The following CEP350 variants were observed in gnomAD, a reference collection of about 807,000 sequenced individuals.
CEP350 encodes centrosomal protein 350.
CEP350 carries 126 observed loss-of-function variants against 331.8 expected under a neutral mutation model. That is an observed-to-expected ratio of 0.38 (90% CI 0.33 to 0.44). The LOEUF is 0.44. Among genes scored for constraint, CEP350 ranks in the 20% least tolerant of loss-of-function variants. CEP350 has a pLI of 1.00. For synonymous variants in CEP350, 1,200 were observed against 1,259.5 expected, an observed-to-expected ratio of 0.95 and a Z score of 1.00; for missense variants, 3,406 against 3,634.6, an observed-to-expected ratio of 0.94 and a Z score of 1.62.
At chr1:180,041,581 A>T in intron 18 of CEP350, 81 bp from the exon 19 acceptor site, 1 of 1,336,544 alleles carries the variant, frequency 7.5e-7, no homozygotes, top group Non-Finnish European at 1.0e-6. Context: ...TAAGACATGA[A>T]ATAAATTTAT....
chr1:180,095,480 G>A (rs1558157315), intron 34 of CEP350, 43 bp from the exon 35 acceptor site: 2 of 1,538,760 alleles, frequency 1.3e-6, no homozygotes, highest in Non-Finnish European at 1.7e-6. Context: ...AATGATATGA[G>A]GTCCCTAAAT....
At chr1:180,046,338 A>G (rs1243069331) in intron 21 of CEP350, among the ~76,000 whole-genome samples, 1 of 152,196 alleles carries the variant, frequency 6.6e-6, no homozygotes, top group Non-Finnish European at 1.5e-5. Context: ...TCATTACAGT[A>G]TGTGGCCCTT....
rs149060284 is a variant in CEP350 at position 180,082,094 on chromosome 1, C to T, written c.6124+1433C>T. ...GGTGACTTTCTTCAAGTTTCTTTGCCAATACTGGATTATCTTTTTCATTTG... is the reference window on the plus strand; with the variant it reads ...GGTGACTTTCTTCAAGTTTCTTTGCTAATACTGGATTATCTTTTTCATTTG... On this transcript the variant is annotated intron_variant, in intron 30 of 37. Transcript: ENST00000367607. Among the ~76,000 whole-genome samples the T allele has an allele frequency of 5.9e-5, 9 of 152,240 alleles. No homozygotes were observed. The East Asian group carries it at 1.7e-3, about 29-fold the overall frequency.
chr1:180,093,253 CT>C lies in CEP350; in HGVS notation c.7151del (p.Phe2384SerfsTer36). 1 of 1,601,438 alleles carries C rather than the reference CT, an allele frequency of 6.2e-7. No individual in the cohort carries two copies. Among genetic ancestry groups the C allele is most frequent in the Non-Finnish European group, 8.5e-7 (1 of 1,172,970 alleles). ...IPYSEDFEVSSFKKEISAELY... is the reference protein window; with the variant it reads ...IPYSEDFEVSXFKKEISAELY... ...TACTCTGAAGATTTTGAAGTGTCTT[CT>C]TTCAAGAAAGAAATTTCAGCTGAAT... On this transcript the variant is annotated frameshift_variant, in exon 34 of 38. Coordinates refer to ENST00000367607, the MANE Select transcript of CEP350 (RefSeq NM_014810.5). LOFTEE classifies it high-confidence loss of function.
At chr1:180,031,815 G>A (rs1656042371) in intron 15 of CEP350, among the ~76,000 whole-genome samples, 1 of 152,072 alleles carries the variant, frequency 6.6e-6, no homozygotes. Context: ...TGACTAAGCA[G>A]CTACCCTGCT....
At position 180,096,192 on chromosome 1, in the gene CEP350, G is replaced by T; in HGVS notation, c.9066+8G>T. On this transcript the variant is annotated splice_region_variant and intron_variant, in intron 36 of 37. Transcript: ENST00000367607. ...AACCTTGATGAAATCAAGGTAAACT[G>T]CAAACTATAAAGTGTCTTCTTTTTT... The T allele has an allele frequency of 6.4e-7, 1 of 1,551,450 alleles. No individual in the cohort carries two copies. Among genetic ancestry groups the T allele is most frequent in the Non-Finnish European group, 8.7e-7 (1 of 1,147,784 alleles).
At chr1:180,011,828 C>T in intron 8 of CEP350, 101 bp from the exon 9 acceptor site, 1 of 752,758 alleles carries the variant, frequency 1.3e-6, no homozygotes. Flanking sequence ...TTGACCTTGA[C>T]AGATGAACAT....
At chr1:180,015,210 GTTTA>G (rs112553202) in intron 10 of CEP350, among the ~76,000 whole-genome samples, 35,998 of 143,284 alleles carry the variant, frequency 0.25, 4,788 homozygotes, top group Middle Eastern at 0.35. Flanking sequence ...CTAGGAAATT[GTTTA>G]TTTATTTATT....
In CEP350 at chr1:180,101,078, C is replaced by A. The variant is rs535003159; in HGVS notation, c.9189+2093C>A. On this transcript the variant is annotated intron_variant, in intron 37 of 37. Transcript: ENST00000367607. ...TTATCAGAAATTCTCAAATACTAAA[C>A]AAAATATTTCTTTTGCAGGGGTAAG... Among the ~76,000 whole-genome samples the A allele has an allele frequency of 6.6e-5, 10 of 152,260 alleles. 1 individual carries two copies. In the East Asian group the frequency reaches 1.2e-3, roughly 18 times the overall value.
intron 1 of CEP350, among the ~76,000 whole-genome samples, chr1:179,970,779 G>A (rs1308229032): frequency 6.6e-6 from 1 of 152,126 alleles, no homozygotes; most frequent in Non-Finnish European, 1.5e-5. Context: ...ATTGAGAATT[G>A]GCTATTTCAC....
At chr1:180,070,192 T>C (rs568566262) in intron 27 of CEP350, among the ~76,000 whole-genome samples, 7 of 152,218 alleles carry the variant, frequency 4.6e-5, no homozygotes, top group Non-Finnish European at 7.3e-5. Flanking sequence ...CACAGTAACA[T>C]CCTAAACAAA....
In CEP350 at chr1:179,992,057, T is replaced by G. The variant is rs1653137951; in HGVS notation, c.236-5T>G. The G allele has an allele frequency of 6.6e-7, 1 of 1,521,778 alleles. No homozygotes were observed. The highest frequency in any genetic ancestry group is 8.8e-7 in the Non-Finnish European group (1 of 1,140,974). 94.3% of individuals were successfully genotyped at this position (1,521,778 alleles called of 1,614,324 possible). On this transcript the variant is annotated splice_region_variant and splice_polypyrimidine_tract_variant and intron_variant, in intron 4 of 37. Coordinates refer to ENST00000367607, the MANE Select transcript of CEP350 (RefSeq NM_014810.5). ...TATGTTCTCACAGATTTCCTTTTCCTTCAGATGGTAGATACCTGGATGATT... is the reference window on the plus strand; with the variant it reads ...TATGTTCTCACAGATTTCCTTTTCCGTCAGATGGTAGATACCTGGATGATT...
At chr1:179,964,388 G>A (rs752502815) in intron 1 of CEP350, among the ~76,000 whole-genome samples, 44 of 151,854 alleles carry the variant, frequency 2.9e-4, no homozygotes, top group Non-Finnish European at 5.6e-4. Context: ...TTCATAGAGG[G>A]GATGCTTCTA....
rs780324886 is a variant in CEP350 at position 180,094,419 on chromosome 1, C to G, written c.8314C>G (p.Gln2772Glu). ...AAAGGACACAGTCAATCAACTACAACAAATCAAAAAAACCAGGGATGAGAA... is the reference window on the plus strand; with the variant it reads ...AAAGGACACAGTCAATCAACTACAAGAAATCAAAAAAACCAGGGATGAGAA... ...FVKDTVNQLQ[Q>E]IKKTRDEKIQ... Residue 2772 changes from glutamine (Q) to glutamate (E), a missense_variant, in exon 34 of 38, where the codon CAA (glutamine) becomes GAA (glutamate). This residue lies in a region of CEP350 where 1,415 missense variants were observed against 1,512.3 expected (regional missense o/e 0.94). Coordinates refer to ENST00000367607, the MANE Select transcript of CEP350 (RefSeq NM_014810.5). 1.5e-5 allele frequency: 24 copies of G among 1,613,518 alleles called. No individual in the cohort carries two copies. In the South Asian group the frequency reaches 2.2e-4, roughly 15 times the overall value.
At position 180,020,276 on chromosome 1, in the gene CEP350, T is replaced by C. The variant is rs1655236257; in HGVS notation, c.2502T>C (p.Ser834=). ...RIEALKATAA[S]LSSRIESEAK... ...AAGCCTTGAAAGCAACAGCTGCTTC[T>C]TTGTCCAGCAGAATTGAAAGTGAAG... is the stretch of plus-strand genomic sequence containing the variant. Residue 834 remains serine (S), a synonymous_variant, in exon 12 of 38, where the codon TCT becomes TCC. Coordinates refer to ENST00000367607, the MANE Select transcript of CEP350 (RefSeq NM_014810.5). The C allele has an allele frequency of 1.2e-6, 2 of 1,613,928 alleles. No homozygotes were observed. The highest frequency in any genetic ancestry group is 2.2e-5 in the South Asian group (2 of 91,090).
chr1:180,092,128 G>A (rs770192664), intron 33 of CEP350, among the ~76,000 whole-genome samples: 2 of 151,896 alleles, frequency 1.3e-5, no homozygotes, highest in Admixed American at 6.6e-5. Context: ...TATTTTGCAC[G>A]TTTAGCTCTT....
intron 27 of CEP350, 51 bp downstream of exon 27, chr1:180,065,323 A>C: frequency 6.7e-7 from 1 of 1,500,030 alleles, no homozygotes; most frequent in Non-Finnish European, 8.9e-7. Context: ...AAAGTAGTAC[A>C]ACAAATAACA....
At chr1:180,034,165 G>A (rs2148890084) in intron 16 of CEP350, 83 bp downstream of exon 16, 1 of 1,382,460 alleles carries the variant, frequency 7.2e-7, no homozygotes, top group East Asian at 2.5e-5. Context: ...TGTTTGAGTT[G>A]AGTCATAGAG....
rs766683531 is a variant in CEP350, at chr1:180,065,143, A to G, written c.5438A>G (p.Asp1813Gly). ...TCTCATAGTGATGATGATACAAAGG[A>G]TAATAAGGCAACCAGTCCTGGTCCA... Reference protein sequence around the residue: ...LDSHSDDDTKDNKATSPGPTD... With the variant: ...LDSHSDDDTKGNKATSPGPTD... The change falls in exon 27 of 38, where the codon GAT becomes GGT. Residue 1813 changes from aspartate (D) to glycine (G), a missense_variant. Physicochemically the swap from Asp to Gly is moderately conservative, Grantham distance 94. Transcript: ENST00000367607. 6.2e-7 allele frequency: 1 copy of G among 1,611,046 alleles called. No individual in the cohort carries two copies. Among genetic ancestry groups the G allele is most frequent in the East Asian group, 2.2e-5 (1 of 44,800 alleles).
Sources: allele counts gnomAD v4.1 joint callset (sites outside exome capture counted in the v4.1 genomes callset), GRCh38; gene constraint gnomAD v4.1.1; regional missense constraint gnomAD v4.1.1; transcripts MANE v1.5; gene names NCBI Gene and HGNC (gene_info 2026-07-23, HGNC 2026-07-21).